CNKSR2: variants seen among roughly 807,000 people sequenced by gnomAD.
The protein encoded by CNKSR2 is connector enhancer of kinase suppressor of Ras 2, also known as CNK homolog protein 2.
In CNKSR2, 14 loss-of-function variants were observed where a neutral mutation model predicts 84.4. The observed-to-expected ratio is 0.17, with a 90% CI of 0.11 to 0.26. The LOEUF (loss-of-function observed/expected upper bound fraction) is 0.26, where lower values mean the gene tolerates loss of function less well. CNKSR2 is among the 10% of genes least tolerant of loss of function. CNKSR2 has a pLI of 1.00. For synonymous variants in CNKSR2, 275 were observed against 277.9 expected (o/e 0.99, Z 0.10); for missense variants, 485 against 771.2 (o/e 0.63, Z 4.40).
chrX:21,441,485 T>C (rs2090783293), intron 4 of CNKSR2: 1 of 111,949 alleles, frequency 8.9e-6, no homozygotes, highest in Non-Finnish European at 1.9e-5. Context: ...TCCAAATGAA[T>C]TTTTATTTTC....
At chrX:21,452,837 A>G (rs1323390774) in intron 4 of CNKSR2, among the ~76,000 whole-genome samples, 1 of 103,015 alleles carries the variant, frequency 9.7e-6, no homozygotes, top group Non-Finnish European at 2.0e-5. Context: ...CCCATGTGTT[A>G]AAAAAAATTT....
intron 8 of CNKSR2, among the ~76,000 whole-genome samples, chrX:21,502,372 TA>T (rs1378325840): frequency 3.7e-5 from 4 of 108,007 alleles, no homozygotes; most frequent in African/African-American, 1.3e-4. Context: ...TCTGCCAAAA[TA>T]AAGTATATTT....
At chrX:21,636,592 T>C (rs186838477) in intron 20 of CNKSR2, among the ~76,000 whole-genome samples, 34 of 111,549 alleles carry the variant, frequency 3.0e-4, no homozygotes, top group South Asian at 7.4e-4. Context: ...GTGATTCTTC[T>C]ATTAATAACC....
intron 8 of CNKSR2, among the ~76,000 whole-genome samples, chrX:21,507,014 A>C (rs897159202): frequency 9.2e-6 from 1 of 108,748 alleles, no homozygotes; most frequent in African/African-American, 3.3e-5. Flanking sequence ...CTTTCATAAA[A>C]GGAAGAGTCT....
chrX:21,554,004 C>G (rs1175047694), intron 11 of CNKSR2, among the ~76,000 whole-genome samples: 3 of 111,386 alleles, frequency 2.7e-5, no homozygotes, highest in Non-Finnish European at 5.7e-5. Flanking sequence ...TAAATCCTTT[C>G]TCATTCCTCC....
chrX:21,470,802 C>A lies in CNKSR2; in HGVS notation c.556C>A (p.His186Asn). The A allele has an allele frequency of 9.8e-7, 1 of 1,018,621 alleles. No homozygotes were observed. The highest frequency in any genetic ancestry group is 1.3e-6 in the Non-Finnish European group (1 of 745,978). 83.9% of individuals were successfully genotyped at this position (1,018,621 alleles called of 1,213,427 possible). The part of the protein sequence containing the change: ...TVYETENKIL[H>N]VCKTLSGVCD... ...ATATGAAACAGAGAATAAAATTCTTCACGTGGTGAGTATACTTGGATTTAT... is the reference window on the plus strand; with the variant it reads ...ATATGAAACAGAGAATAAAATTCTTAACGTGGTGAGTATACTTGGATTTAT... The change falls in exon 5 of 22, where the codon CAC becomes AAC. Residue 186 changes from histidine (H) to asparagine (N), a missense_variant. By Grantham distance (68) the His-to-Asn change is moderately conservative (BLOSUM62 1). Transcript: ENST00000379510.
At chrX:21,473,714 A>G (rs955159650) in intron 5 of CNKSR2, among the ~76,000 whole-genome samples, 2 of 92,464 alleles carry the variant, frequency 2.2e-5, no homozygotes, top group Non-Finnish European at 4.2e-5. Context: ...GTTATATCTC[A>G]TTATTTAGGT....
intron 1 of CNKSR2, among the ~76,000 whole-genome samples, chrX:21,390,076 T>C (rs1030500983): frequency 5.4e-5 from 6 of 112,117 alleles, no homozygotes; most frequent in African/African-American, 1.9e-4. Context: ...GAGTGTGCTA[T>C]TCTAAACATT....
At chrX:21,575,171 T>A (rs2092310859) in intron 13 of CNKSR2, among the ~76,000 whole-genome samples, 1 of 111,923 alleles carries the variant, frequency 8.9e-6, no homozygotes, top group East Asian at 2.8e-4. Context: ...AGATATATGG[T>A]TAAAAGAAGA....
At chrX:21,501,446 T>C in intron 7 of CNKSR2, 74 bp from the exon 8 acceptor site, 2 of 576,043 alleles carry the variant, frequency 3.5e-6, no homozygotes, top group Non-Finnish European at 5.4e-6. Flanking sequence ...GATGAACTTT[T>C]TGTAGTGTTT....
At position 21,508,408 on chromosome X, in the gene CNKSR2, G is replaced by T. The variant is rs942644518; in HGVS notation, c.810+6820G>T. ...TTTGGGGACTGAGGTTCTACAGTAT[G>T]ATCAGAGGTTTACATTACAGCTTTA... On this transcript the variant is annotated intron_variant, in intron 8 of 21. Coordinates refer to ENST00000379510, the MANE Select transcript of CNKSR2 (RefSeq NM_014927.5). Among the ~76,000 whole-genome samples, 5 of 112,017 alleles carry T rather than the reference G, an allele frequency of 4.5e-5. No individual in the cohort carries two copies. The Admixed American group carries it at 4.7e-4, about 11-fold the overall frequency.
chrX:21,645,410 G>T (rs768036681), intron 20 of CNKSR2: 1 of 111,908 alleles, frequency 8.9e-6, no homozygotes, highest in South Asian at 3.7e-4. Context: ...AATTTGGGGG[G>T]AAATTTATTT....
At chrX:21,626,947 A>T (rs2092626297) in intron 20 of CNKSR2, among the ~76,000 whole-genome samples, 1 of 111,677 alleles carries the variant, frequency 9.0e-6, no homozygotes, top group Non-Finnish European at 1.9e-5. Flanking sequence ...TAGACATTAT[A>T]TCATGAAAGA....
intron 8 of CNKSR2, among the ~76,000 whole-genome samples, chrX:21,513,714 C>G (rs752224260): frequency 9.0e-6 from 1 of 111,349 alleles, no homozygotes; most frequent in African/African-American, 3.3e-5. Context: ...TATATTCTCT[C>G]TTGTCAATCA....
At chrX:21,582,708 A>G (rs2092360748) in intron 13 of CNKSR2, among the ~76,000 whole-genome samples, 1 of 112,337 alleles carries the variant, frequency 8.9e-6, no homozygotes, top group Non-Finnish European at 1.9e-5. Context: ...TAAGTGCTTA[A>G]TATTGTGCCT....
Position 21,397,985 on chromosome X carries a change from A to G in CNKSR2, c.64+23024A>G, listed in dbSNP as rs753217937. Reference sequence around the variant, plus strand: ...TGTCCTCCTTTTGTACCTATTGTATATATTACTTACTTCTATATAGTAGAC... The same window carrying G: ...TGTCCTCCTTTTGTACCTATTGTATGTATTACTTACTTCTATATAGTAGAC... On this transcript the variant is annotated intron_variant, in intron 1 of 21. Transcript: ENST00000379510. 5.4e-5 allele frequency among the ~76,000 whole-genome samples: 6 copies of G among 112,051 alleles called. No individual in the cohort carries two copies. The East Asian group carries it at 8.5e-4, about 16-fold the overall frequency.
chrX:21,488,557 A>G (rs762840194), intron 5 of CNKSR2, among the ~76,000 whole-genome samples: 1 of 111,786 alleles, frequency 8.9e-6, no homozygotes, highest in South Asian at 3.8e-4. Flanking sequence ...AGACACAATA[A>G]AAGTACAGAC....
At chrX:21,550,083 C>T (rs2092071124) in intron 11 of CNKSR2, among the ~76,000 whole-genome samples, 1 of 111,914 alleles carries the variant, frequency 8.9e-6, no homozygotes, top group Admixed American at 9.4e-5. Context: ...TCTAATTGAA[C>T]TAAAGAGCTT....
intron 17 of CNKSR2, 60 bp from the exon 18 acceptor site, chrX:21,601,222 G>T: frequency 1.5e-6 from 1 of 668,370 alleles, no homozygotes; most frequent in Non-Finnish European, 2.3e-6. Context: ...AATGTTTCTA[G>T]GAAGTAAAAT....
Sources: allele counts gnomAD v4.1 joint callset (sites outside exome capture counted in the v4.1 genomes callset), GRCh38; gene constraint gnomAD v4.1.1; transcripts MANE v1.5; gene names NCBI Gene and HGNC (gene_info 2026-07-23, HGNC 2026-07-21).